Variants in BTAF1 observed in about 807,000 individuals in gnomAD.
BTAF1 encodes the protein B-TFIID TATA-box binding protein associated factor 1.
A neutral mutation model predicts 227.1 loss-of-function variants in BTAF1; 38 were observed. That is an observed-to-expected ratio of 0.17 (90% CI 0.13 to 0.22). BTAF1 has a LOEUF of 0.22. BTAF1 is among the 10% of genes least tolerant of loss of function. The pLI is 1.00. For synonymous variants in BTAF1, 742 were observed against 751.9 expected (o/e 0.99, Z 0.21); for missense variants, 1,598 against 2,204.0 (o/e 0.73, Z 5.51).
intron 11 of BTAF1, 125 bp from the exon 12 acceptor site, chr10:91,962,413 G>T (rs770989375): frequency 3.3e-6 from 2 of 610,232 alleles, no homozygotes; most frequent in Non-Finnish European, 5.6e-6. Context: ...TGTATCCATT[G>T]TTAAGCAGTG....
At chr10:91,988,484 AGACT>A (rs1564697502) in intron 19 of BTAF1, among the ~76,000 whole-genome samples, 2 of 152,254 alleles carry the variant, frequency 1.3e-5, no homozygotes, top group South Asian at 2.1e-4. Context: ...GTTAAAAAAA[AGACT>A]GACTGAACAG....
chr10:91,966,730 G>C lies in BTAF1; in HGVS notation c.1623G>C (p.Leu541=), dbSNP rs574202851. 6.2e-7 allele frequency: 1 copy of C among 1,613,918 alleles called. No individual in the cohort carries two copies. Among genetic ancestry groups the C allele is most frequent in the African/African-American group, 1.3e-5 (1 of 75,030 alleles). ...SSVRRAALET[L]FTLLSTQDQN... ...TTCGAAGAGCAGCATTGGAAACTCTGTTTACGTTATTATCAACACAGGACC... is the reference window on the plus strand; with the variant it reads ...TTCGAAGAGCAGCATTGGAAACTCTCTTTACGTTATTATCAACACAGGACC... The change falls in exon 14 of 38, where the codon CTG becomes CTC. Residue 541 remains leucine (L), a synonymous_variant. Coordinates refer to ENST00000265990, the MANE Select transcript of BTAF1 (RefSeq NM_003972.3).
At chr10:91,955,341 A>G (rs1302557072) in intron 6 of BTAF1, among the ~76,000 whole-genome samples, 1 of 152,216 alleles carries the variant, frequency 6.6e-6, no homozygotes, top group Non-Finnish European at 1.5e-5. Context: ...CCCTGAGGAC[A>G]TGTGTGAATA....
chr10:91,966,879 A>G, intron 14 of BTAF1, 122 bp downstream of exon 14: 2 of 824,122 alleles, frequency 2.4e-6, no homozygotes, highest in Non-Finnish European at 3.6e-6. Flanking sequence ...GCCTAGTGGT[A>G]TGGTAACCAT....
chr10:91,930,733 T>G (rs982217921), intron 1 of BTAF1, among the ~76,000 whole-genome samples: 4 of 152,212 alleles, frequency 2.6e-5, no homozygotes, highest in Non-Finnish European at 5.9e-5. Context: ...TAAGTAATGG[T>G]CATTATCTTT....
At chr10:92,016,262 T>G in intron 32 of BTAF1, 78 bp from the exon 33 acceptor site, 6 of 1,519,512 alleles carry the variant, frequency 3.9e-6, no homozygotes, top group Non-Finnish European at 5.3e-6. Context: ...CTGCTGTTAT[T>G]GGCCTTTGCT....
chr10:92,011,186 C>G, intron 29 of BTAF1, 36 bp downstream of exon 29: 1 of 1,527,246 alleles, frequency 6.5e-7, no homozygotes, highest in African/African-American at 1.4e-5. Context: ...AAATTAATAT[C>G]AAATTTGAAG....
intron 3 of BTAF1, among the ~76,000 whole-genome samples, chr10:91,941,533 G>A (rs1358129235): frequency 6.6e-6 from 1 of 152,190 alleles, no homozygotes; most frequent in South Asian, 2.1e-4. Context: ...ACCTCACATG[G>A]ATATGTGATT....
Position 91,923,950 on chromosome 10 carries a change from C to A in BTAF1, c.-127C>A. 8.0e-7 allele frequency: 1 copy of A among 1,255,734 alleles called. No homozygotes were observed. Among genetic ancestry groups the A allele is most frequent in the African/African-American group, 1.6e-5 (1 of 63,190 alleles). The allele number at this position is 1,255,734 out of a possible 1,614,324, so 77.8% of individuals were successfully genotyped here. ...GCCCGAGGGCCTGCGCTGGAACGCC[C>A]CACGCCGCACCGGCCGCTCCCCTGT... is the stretch of plus-strand genomic sequence containing the variant. On this transcript the variant is annotated 5_prime_UTR_variant, in exon 1 of 38. Transcript: ENST00000265990.
chr10:91,932,716 CT>C (rs1395726930), intron 1 of BTAF1, among the ~76,000 whole-genome samples: 6 of 152,208 alleles, frequency 3.9e-5, no homozygotes, highest in Non-Finnish European at 8.8e-5. Flanking sequence ...GAAGTAATCT[CT>C]GTTGCATAGT....
intron 12 of BTAF1, among the ~76,000 whole-genome samples, chr10:91,963,285 G>T (rs1564677483): frequency 6.6e-6 from 1 of 151,900 alleles, no homozygotes. Flanking sequence ...AAGGCATGGT[G>T]GCGGGCGCCT....
chr10:91,937,833 A>T (rs1057025390), intron 2 of BTAF1, among the ~76,000 whole-genome samples: 1 of 152,160 alleles, frequency 6.6e-6, no homozygotes, highest in Non-Finnish European at 1.5e-5. Flanking sequence ...ACCATATGGT[A>T]ACTTTATGAG....
intron 14 of BTAF1, among the ~76,000 whole-genome samples, chr10:91,977,855 CTT>C (rs1363536927): frequency 6.6e-6 from 1 of 152,118 alleles, no homozygotes; most frequent in Non-Finnish European, 1.5e-5. Context: ...TTTGCCTAGA[CTT>C]TATTTTTCAG....
At position 92,009,075 on chromosome 10, in the gene BTAF1, T is replaced by G. The variant is rs1355056474; in HGVS notation, c.3970T>G (p.Cys1324Gly). Reference protein sequence around the residue: ...QEYARSKLAECMPLPSLVVCP... With the variant: ...QEYARSKLAEGMPLPSLVVCP... ...ATATGCAAGATCAAAATTAGCAGAA[T>G]GTATGCCACTTCCTTCCTTAGTGGT... The change falls in exon 28 of 38, where the codon TGT becomes GGT. Residue 1324 changes from cysteine to glycine, a missense_variant. Coordinates refer to ENST00000265990, the MANE Select transcript of BTAF1 (RefSeq NM_003972.3). 6.2e-7 allele frequency: 1 copy of G among 1,614,156 alleles called. No individual in the cohort carries two copies. Among genetic ancestry groups the G allele is most frequent in the Non-Finnish European group, 8.5e-7 (1 of 1,180,006 alleles).
chr10:91,964,353 T>C (rs1057401141), intron 13 of BTAF1, 152 bp downstream of exon 13: 7 of 850,664 alleles, frequency 8.2e-6, no homozygotes, highest in African/African-American at 1.8e-5. Flanking sequence ...AGGCCTTGTC[T>C]TTTTTACTCT....
chr10:91,979,280 A>G (rs1847917652), intron 14 of BTAF1, among the ~76,000 whole-genome samples: 1 of 152,170 alleles, frequency 6.6e-6, no homozygotes, highest in Non-Finnish European at 1.5e-5. Context: ...TGCAGTGAAC[A>G]TATTCATGCA....
chr10:92,004,193 G>A (rs1019014602), intron 25 of BTAF1, among the ~76,000 whole-genome samples: 1 of 152,020 alleles, frequency 6.6e-6, no homozygotes, highest in Non-Finnish European at 1.5e-5. Context: ...TCTTCAGTCC[G>A]TTGATTGTCT....
Position 92,029,035 on chromosome 10 carries a change from A to G in BTAF1, c.*102A>G. ...GGTGAACTTTTAACTCAATGTGTAAATAGATCTGGAGAATATTCAGCATAA... is the reference window on the plus strand; with the variant it reads ...GGTGAACTTTTAACTCAATGTGTAAGTAGATCTGGAGAATATTCAGCATAA... On this transcript the variant is annotated 3_prime_UTR_variant, in exon 38 of 38. Coordinates refer to ENST00000265990, the MANE Select transcript of BTAF1 (RefSeq NM_003972.3). 1 of 1,078,380 alleles carries G rather than the reference A, an allele frequency of 9.3e-7. No individual in the cohort carries two copies. The highest frequency in any genetic ancestry group is 1.3e-6 in the Non-Finnish European group (1 of 761,586). 66.8% of individuals were successfully genotyped at this position (1,078,380 alleles called of 1,614,324 possible).
chr10:91,959,919 T>C (rs753171309), intron 10 of BTAF1, 39 bp downstream of exon 10: 1 of 1,601,336 alleles, frequency 6.2e-7, no homozygotes, highest in Non-Finnish European at 8.5e-7. Flanking sequence ...CAATCAAATT[T>C]CAAATTCTAC....
Sources: gnomAD v4.1 joint callset for allele counts (sites outside exome capture counted in the v4.1 genomes callset) on GRCh38, gnomAD v4.1.1 for gene constraint, MANE v1.5 for transcripts, NCBI Gene and HGNC (gene_info 2026-07-23, HGNC 2026-07-21) for gene names.